The following DNM2 variants were observed in gnomAD, a reference collection of about 807,000 sequenced individuals.
DNM2 encodes the protein dynamin-2.
In DNM2, 15 loss-of-function variants were observed where a neutral mutation model predicts 99.0. The ratio of observed to expected loss-of-function variants is 0.15; its 90% CI spans 0.10 to 0.23. The LOEUF is 0.23. Among genes scored for constraint, DNM2 ranks in the 10% least tolerant of loss-of-function variants. The pLI is 1.00. For missense variants in DNM2, 742 were observed against 1,189.4 expected (o/e 0.62, Z 5.53); for synonymous variants, 525 against 481.2 (o/e 1.09, Z -1.19).
At position 10,831,782 on chromosome 19, in the gene DNM2, T is replaced by C; in HGVS notation, c.*735T>C. On this transcript the variant is annotated 3_prime_UTR_variant, in exon 21 of 21. Transcript: ENST00000389253. This position sits in a 1 kb window ranked among gnomAD's most constrained non-coding sequence, Gnocchi z 4.3. Reference sequence around the variant, plus strand: ...CTCCCGCCCATGCCTCCCTGATGGGTGGGCCCAGGGCGGCCTCTCTCTGAG... The same window carrying C: ...CTCCCGCCCATGCCTCCCTGATGGGCGGGCCCAGGGCGGCCTCTCTCTGAG... The C allele has an allele frequency of 6.1e-6, 6 of 986,716 alleles. No individual in the cohort carries two copies. Among genetic ancestry groups the C allele is most frequent in the Non-Finnish European group, 7.2e-6 (6 of 830,696 alleles). 61.1% of individuals were successfully genotyped at this position (986,716 alleles called of 1,614,324 possible).
chr19:10,746,727 GT>G (rs757494612), intron 1 of DNM2, among the ~76,000 whole-genome samples: 20 of 116,214 alleles, frequency 1.7e-4, no homozygotes, highest in African/African-American at 6.6e-4. Flanking sequence ...CTTTTTTTTT[GT>G]TTTTTGTTTT....
intron 7 of DNM2, among the ~76,000 whole-genome samples, chr19:10,790,132 T>C (rs1027613457): frequency 6.6e-6 from 1 of 152,226 alleles, no homozygotes; most frequent in African/African-American, 2.4e-5. Flanking sequence ...GTTCACGCCT[T>C]ACAAGAGAAC....
intron 1 of DNM2, among the ~76,000 whole-genome samples, chr19:10,756,282 A>G (rs973894886): frequency 1.3e-5 from 2 of 151,900 alleles, no homozygotes; most frequent in African/African-American, 4.8e-5. Flanking sequence ...ACCCTCTCCA[A>G]TTATCCCAGC....
chr19:10,777,360 A>G (rs2071188670), intron 5 of DNM2, 144 bp downstream of exon 5: 2 of 795,606 alleles, frequency 2.5e-6, no homozygotes, highest in Non-Finnish European at 2.1e-6. Context: ...CCTTTGAGCT[A>G]TGTATCTTTT....
At position 10,831,173 on chromosome 19, in the gene DNM2, C is replaced by T; in HGVS notation, c.*126C>T. The T allele has an allele frequency of 7.0e-6, 10 of 1,426,602 alleles. No individual in the cohort carries two copies. The highest frequency in any genetic ancestry group is 2.8e-5 in the Admixed American group (1 of 35,478). The allele number at this position is 1,426,602 out of a possible 1,614,324, so 88.4% of individuals were successfully genotyped here. On this transcript the variant is annotated 3_prime_UTR_variant, in exon 21 of 21. Coordinates refer to ENST00000389253, the MANE Select transcript of DNM2 (RefSeq NM_001005361.3). This position sits in a 1 kb window ranked among gnomAD's most constrained non-coding sequence, Gnocchi z 4.3. ...CCCAGTGGGCAGCCCTGGCCTCTTC[C>T]TTAACGCTGGCCCCGGTCCAGGGCC...
chr19:10,731,580 C>G (rs539624658), intron 1 of DNM2, among the ~76,000 whole-genome samples: 1 of 152,290 alleles, frequency 6.6e-6, no homozygotes, highest in East Asian at 1.9e-4. Context: ...TCTCGAACTC[C>G]TGGCCTCAGG....
At chr19:10,758,176 C>A (rs1459089393) in intron 1 of DNM2, among the ~76,000 whole-genome samples, 5 of 152,106 alleles carry the variant, frequency 3.3e-5, no homozygotes, top group African/African-American at 1.2e-4. Flanking sequence ...GAGCAGGCTA[C>A]TCCCTCTATC....
intron 7 of DNM2, among the ~76,000 whole-genome samples, chr19:10,789,936 C>T (rs1298941109): frequency 1.3e-5 from 2 of 152,334 alleles, no homozygotes; most frequent in East Asian, 1.9e-4. Context: ...CAGTCCCTGT[C>T]CCCCGGGGCT....
intron 7 of DNM2, among the ~76,000 whole-genome samples, chr19:10,789,583 A>C (rs951812331): frequency 1.3e-5 from 2 of 152,106 alleles, no homozygotes; most frequent in African/African-American, 4.8e-5. Flanking sequence ...CTGTATTCCC[A>C]GCACTTTGAG....
intron 8 of DNM2, 22 bp downstream of exon 8, chr19:10,793,877 C>A: frequency 6.2e-7 from 1 of 1,614,024 alleles, no homozygotes; most frequent in Non-Finnish European, 8.5e-7. Flanking sequence ...CGGGGCTGGG[C>A]CCTCCCGTCT....
intron 1 of DNM2, among the ~76,000 whole-genome samples, chr19:10,740,669 GC>G (rs2069713046): frequency 1.3e-5 from 2 of 152,142 alleles, no homozygotes; most frequent in African/African-American, 4.8e-5. Context: ...AAGCCACCGC[GC>G]CCGGCCAAAA....
intron 1 of DNM2, among the ~76,000 whole-genome samples, chr19:10,735,462 A>G (rs950555607): frequency 6.6e-6 from 1 of 152,226 alleles, no homozygotes; most frequent in Non-Finnish European, 1.5e-5. Context: ...TCCCCACTGG[A>G]AAGTTACTAG....
rs555804948 is a variant in DNM2 at position 10,803,595 on chromosome 19, A to G, written c.1493+1237A>G. 595 of 984,832 alleles carry G rather than the reference A, an allele frequency of 6.0e-4. 2 individuals carry two copies. The African/African-American group carries it at 7.5e-3, about 12-fold the overall frequency. 61.0% of individuals were successfully genotyped at this position (984,832 alleles called of 1,614,324 possible). A position where few individuals can be genotyped will look rare whatever the true frequency, so the allele number is the denominator to read the frequency against. Reference sequence around the variant, plus strand: ...CACAATCTCTCCTGTTTTTCCTTTGACCACTCTTTCCTCTGGATTCCTGGG... The same window carrying G: ...CACAATCTCTCCTGTTTTTCCTTTGGCCACTCTTTCCTCTGGATTCCTGGG... On this transcript the variant is annotated intron_variant, in intron 12 of 20. Transcript: ENST00000389253.
chr19:10,822,997 C>G (rs1434313155), intron 16 of DNM2, among the ~76,000 whole-genome samples: 2 of 151,896 alleles, frequency 1.3e-5, no homozygotes, highest in Non-Finnish European at 2.9e-5. Flanking sequence ...CCCAGCTACT[C>G]GGGAGGCTGA....
In DNM2 at chr19:10,801,044, G is replaced by A. The variant is rs1352663551; in HGVS notation, c.1423-1244G>A. ...TTACAGGCTGGACACGGTGGCTCAC[G>A]CCTGTAGTCCTAGCACTTTGGGAGG... On this transcript the variant is annotated intron_variant, in intron 11 of 20. Transcript: ENST00000389253. 2.6e-5 allele frequency among the ~76,000 whole-genome samples: 4 copies of A among 152,230 alleles called. 1 individual carries two copies. In the South Asian group the frequency reaches 8.3e-4, roughly 31 times the overall value.
Position 10,830,959 on chromosome 19 carries a change from G to T in DNM2, c.2544-19G>T. On this transcript the variant is annotated intron_variant, in intron 20 of 20. Coordinates refer to ENST00000389253, the MANE Select transcript of DNM2 (RefSeq NM_001005361.3). This position sits in a 1 kb window ranked among gnomAD's most constrained non-coding sequence, Gnocchi z 4.8. Reference sequence around the variant, plus strand: ...CACTGCCGTCTCCCCCTCCCCACCTGTCTTTATTCTCTTTGCAGCAGAAGA... The same window carrying T: ...CACTGCCGTCTCCCCCTCCCCACCTTTCTTTATTCTCTTTGCAGCAGAAGA... 6.2e-7 allele frequency: 1 copy of T among 1,609,304 alleles called. No homozygotes were observed. Among genetic ancestry groups the T allele is most frequent in the Admixed American group, 1.7e-5 (1 of 59,606 alleles).
intron 1 of DNM2, among the ~76,000 whole-genome samples, chr19:10,748,350 C>CAA (rs1568277257): frequency 6.6e-6 from 1 of 152,096 alleles, no homozygotes; most frequent in Non-Finnish European, 1.5e-5. Flanking sequence ...GCAGGACTCG[C>CAA]GGCTGGACAA....
intron 5 of DNM2, among the ~76,000 whole-genome samples, chr19:10,779,508 T>TTTC (rs1941423888): frequency 8.2e-6 from 1 of 122,192 alleles, no homozygotes; most frequent in African/African-American, 3.1e-5. Flanking sequence ...CTTTCTTTTT[T>TTTC]TTTTTTTTTT....
At chr19:10,759,939 A>G in intron 2 of DNM2, 128 bp downstream of exon 2, 4 of 1,289,428 alleles carry the variant, frequency 3.1e-6, no homozygotes, top group Non-Finnish European at 3.4e-6. Context: ...CGTGTTCCAC[A>G]TGTGTGAGGA....
Sources: allele counts gnomAD v4.1 joint callset (sites outside exome capture counted in the v4.1 genomes callset), GRCh38; gene constraint gnomAD v4.1.1; non-coding constraint Gnocchi (gnomAD v3.1); transcripts MANE v1.5; gene names NCBI Gene and HGNC (gene_info 2026-07-23, HGNC 2026-07-21).